Variants in PXK observed in about 807,000 individuals in gnomAD.
PXK encodes the protein PX domain containing serine/threonine kinase like, also known as PX domain-containing protein kinase-like protein.
PXK carries 35 observed loss-of-function variants against 84.7 expected under a neutral mutation model. The observed-to-expected ratio is 0.41, with a 90% CI of 0.32 to 0.55. The LOEUF is 0.55. PXK is among the 20% of genes least tolerant of loss of function. The pLI, the probability that PXK is intolerant of heterozygous loss-of-function variation, is 0.21. For missense variants in PXK, 634 were observed against 699.7 expected, an observed-to-expected ratio of 0.91 and a Z score of 1.06; for synonymous variants, 253 against 260.8, an observed-to-expected ratio of 0.97 and a Z score of 0.29.
chr3:58,345,000 T>A (rs1186583777), intron 1 of PXK, among the ~76,000 whole-genome samples: 1 of 152,182 alleles, frequency 6.6e-6, no homozygotes, highest in Admixed American at 6.5e-5. Context: ...ACATAGACAT[T>A]TGATCTCAGG....
At chr3:58,418,915 A>G (rs1345967049) in intron 17 of PXK, among the ~76,000 whole-genome samples, 1 of 152,216 alleles carries the variant, frequency 6.6e-6, no homozygotes, top group East Asian at 1.9e-4. Flanking sequence ...ACAGATGAAT[A>G]AGAGAAAAGG....
Position 58,333,591 on chromosome 3 carries a change from T to G in PXK, c.102+501T>G. ...GAGCCTACTTGTTGGGACAGCAGAG[T>G]GTAAGTGGCTGGGGTCTGCAGCCCC... On this transcript the variant is annotated intron_variant, in intron 1 of 17. Transcript: ENST00000356151. The surrounding 1 kb of genome is among the most constrained non-coding windows in gnomAD (Gnocchi z 5.4). The G allele has an allele frequency of 2.2e-6, 1 of 456,230 alleles. No individual in the cohort carries two copies. Among genetic ancestry groups the G allele is most frequent in the Non-Finnish European group, 4.4e-6 (1 of 226,850 alleles). 28.3% of individuals were successfully genotyped at this position (456,230 alleles called of 1,614,324 possible).
intron 2 of PXK, among the ~76,000 whole-genome samples, chr3:58,369,120 C>G (rs2098325132): frequency 6.6e-6 from 1 of 152,140 alleles, no homozygotes. Flanking sequence ...TTCTAGGTGC[C>G]TGGTTAATAA....
intron 3 of PXK, among the ~76,000 whole-genome samples, chr3:58,372,574 G>A (rs140345881): frequency 2.7e-5 from 4 of 150,308 alleles, no homozygotes; most frequent in African/African-American, 7.3e-5. Context: ...TGCCTGCCTC[G>A]GCCTCCCAAA....
intron 9 of PXK, among the ~76,000 whole-genome samples, chr3:58,396,245 C>T (rs756461758): frequency 8.6e-5 from 13 of 151,834 alleles, no homozygotes; most frequent in Non-Finnish European, 1.5e-4. Context: ...AAATTATATG[C>T]GTGTACTATG....
At chr3:58,382,125 G>GGCCAACATGGTAAAAC (rs1169495662) in intron 3 of PXK, among the ~76,000 whole-genome samples, 24 of 152,228 alleles carry the variant, frequency 1.6e-4, no homozygotes, top group Non-Finnish European at 3.4e-4. Flanking sequence ...AGATCAGCCT[G>GGCCAACATGGTAAAAC]GCCAACATGG....
chr3:58,389,155 GA>G (rs1480116126), intron 4 of PXK, among the ~76,000 whole-genome samples: 2 of 152,116 alleles, frequency 1.3e-5, no homozygotes, highest in Non-Finnish European at 2.9e-5. Flanking sequence ...TAAATGAACA[GA>G]AAAAGAGGAT....
At position 58,391,578 on chromosome 3, in the gene PXK, A is replaced by T. The variant is rs373103063; in HGVS notation, c.541-195A>T. On this transcript the variant is annotated intron_variant, in intron 6 of 17. Coordinates refer to ENST00000356151, the MANE Select transcript of PXK (RefSeq NM_017771.5). ...TTTAGTGATAGATTTGGTTAGTGGAATTAGATAAGATTACAGTTAAGTCTG... is the reference window on the plus strand; with the variant it reads ...TTTAGTGATAGATTTGGTTAGTGGATTTAGATAAGATTACAGTTAAGTCTG... Among the ~76,000 whole-genome samples the T allele has an allele frequency of 1.1e-4, 17 of 152,126 alleles. No homozygotes were observed. The South Asian group carries it at 2.7e-3, about 24-fold the overall frequency.
Position 58,407,748 on chromosome 3 carries a change from G to A in PXK, c.1231-1176G>A, listed in dbSNP as rs1319752580. On this transcript the variant is annotated intron_variant, in intron 13 of 17. Coordinates refer to ENST00000356151, the MANE Select transcript of PXK (RefSeq NM_017771.5). This position sits in a 1 kb window ranked among gnomAD's most constrained non-coding sequence, Gnocchi z 4.3. ...ATTTTTGTATCTTTAGTAGAGACGG[G>A]GTTTTGCCATGTTGGCCAGGCTGGT... 2.0e-5 allele frequency among the ~76,000 whole-genome samples: 3 copies of A among 151,982 alleles called. No individual in the cohort carries two copies. Among genetic ancestry groups the A allele is most frequent in the African/African-American group, 7.2e-5 (3 of 41,384 alleles).
chr3:58,372,816 G>T (rs1226652272), intron 3 of PXK, among the ~76,000 whole-genome samples: 6 of 151,920 alleles, frequency 3.9e-5, no homozygotes, highest in African/African-American at 1.5e-4. Context: ...TAGTAGAGAC[G>T]GGGTTTCACT....
At chr3:58,356,402 T>C (rs766123622) in intron 1 of PXK, among the ~76,000 whole-genome samples, 9 of 152,156 alleles carry the variant, frequency 5.9e-5, no homozygotes, top group Non-Finnish European at 1.0e-4. Context: ...ATCTTCTCTT[T>C]TATGTACTCT....
intron 3 of PXK, among the ~76,000 whole-genome samples, chr3:58,375,187 C>T (rs1330274221): frequency 6.6e-6 from 1 of 152,122 alleles, no homozygotes; most frequent in African/African-American, 2.4e-5. Flanking sequence ...CCAATGATGT[C>T]AGATGTGACT....
At chr3:58,406,927 A>G (rs1361161545) in intron 13 of PXK, among the ~76,000 whole-genome samples, 1 of 152,218 alleles carries the variant, frequency 6.6e-6, no homozygotes, top group East Asian at 1.9e-4. Context: ...ATTCCATTGT[A>G]TGTATATGCC....
chr3:58,386,043 T>G (rs62258094), intron 4 of PXK, among the ~76,000 whole-genome samples: 44,587 of 152,032 alleles, frequency 0.29, 7,318 homozygotes, highest in Middle Eastern at 0.39. Flanking sequence ...CATTGGCAGC[T>G]TCCTTCTCTC....
chr3:58,365,992 T>TG lies in PXK; in HGVS notation c.153+72dup. On this transcript the variant is annotated intron_variant, in intron 2 of 17. Coordinates refer to ENST00000356151, the MANE Select transcript of PXK (RefSeq NM_017771.5). ...TAAATGCGTGACTAAAACCCTGACT[T>TG]GGGGCCTCTGAAAGTCTGGAAAAAT... is the stretch of plus-strand genomic sequence containing the variant. 6.0e-6 allele frequency: 8 copies of TG among 1,330,744 alleles called. No individual in the cohort carries two copies. In the South Asian group the frequency reaches 1.1e-4, roughly 18 times the overall value. 82.4% of individuals were successfully genotyped at this position (1,330,744 alleles called of 1,614,324 possible). A position where few individuals can be genotyped will look rare whatever the true frequency, so the allele number is the denominator to read the frequency against.
chr3:58,347,459 T>C (rs1575752872), intron 1 of PXK, among the ~76,000 whole-genome samples: 1 of 152,246 alleles, frequency 6.6e-6, no homozygotes, highest in Non-Finnish European at 1.5e-5. Context: ...TTTCTATTAA[T>C]AGAATGTCAT....
intron 1 of PXK, among the ~76,000 whole-genome samples, chr3:58,357,741 G>A (rs1056373454): frequency 2.0e-5 from 3 of 152,134 alleles, no homozygotes; most frequent in Non-Finnish European, 2.9e-5. Context: ...TTTGAGGTAA[G>A]GAGTTACAGA....
At position 58,385,612 on chromosome 3, in the gene PXK, C is replaced by T. The variant is rs6809282; in HGVS notation, c.388+2912C>T. Among the ~76,000 whole-genome samples, 4,573 of 152,294 alleles carry T rather than the reference C, an allele frequency of 0.03. 253 individuals are homozygous for T. The highest frequency in any genetic ancestry group is 0.1 in the African/African-American group (4,347 of 41,550). On this transcript the variant is annotated intron_variant, in intron 4 of 17. Transcript: ENST00000356151. The surrounding 1 kb of genome is among the most constrained non-coding windows in gnomAD (Gnocchi z 5.1). ...CTTCTGGGTTCAAGTGATCCTTGCG[C>T]TCCAGCCTCCTGAGTAGCTGGGATT...
In PXK at chr3:58,369,418, T is replaced by G; in HGVS notation, c.154-13T>G. 1 of 1,600,972 alleles carries G rather than the reference T, an allele frequency of 6.2e-7. No individual in the cohort carries two copies. The highest frequency in any genetic ancestry group is 1.1e-5 in the South Asian group (1 of 90,618). ...CTTTGCTGAATCAAAACACTACTTC[T>G]TGTCTCTTACAGATTGTTAGAAGAT... On this transcript the variant is annotated splice_polypyrimidine_tract_variant and intron_variant, in intron 2 of 17. Transcript: ENST00000356151.
Sources: gnomAD v4.1 joint callset for allele counts (sites outside exome capture counted in the v4.1 genomes callset) on GRCh38, gnomAD v4.1.1 for gene constraint, Gnocchi (gnomAD v3.1) non-coding constraint, MANE v1.5 for transcripts, NCBI Gene and HGNC (gene_info 2026-07-23, HGNC 2026-07-21) for gene names.